CSMD1: variants seen among roughly 807,000 people sequenced by gnomAD.
The protein encoded by CSMD1 is CUB and Sushi multiple domains 1.
Under a neutral mutation model 417.5 loss-of-function variants are expected in CSMD1, and 213 were observed. The ratio of observed to expected loss-of-function variants is 0.51; its 90% confidence interval spans 0.46 to 0.57. The LOEUF is 0.57. CSMD1 is among the 20% of genes least tolerant of loss of function. The pLI is 0.00. For missense variants in CSMD1, 6,923 were observed against 4,529.7 expected, an observed-to-expected ratio of 1.53 and a Z score of -15.17; for synonymous variants, 2,862 against 1,736.8, an observed-to-expected ratio of 1.65 and a Z score of -16.11.
At chr8:3,778,530 G>A (rs888350036) in intron 5 of CSMD1, among the ~76,000 whole-genome samples, 12 of 152,160 alleles carry the variant, frequency 7.9e-5, no homozygotes, top group African/African-American at 1.4e-4. Context: ...AACGCTGCCC[G>A]TGTGCCTGTG....
intron 3 of CSMD1, among the ~76,000 whole-genome samples, chr8:4,334,936 T>C (rs1585254992): frequency 6.6e-6 from 1 of 152,128 alleles, no homozygotes; most frequent in South Asian, 2.1e-4. Flanking sequence ...AGATGCTGTA[T>C]TTTTGCTACA....
chr8:3,546,748 C>T (rs754065386), intron 10 of CSMD1, among the ~76,000 whole-genome samples: 1 of 152,154 alleles, frequency 6.6e-6, no homozygotes, highest in Non-Finnish European at 1.5e-5. Context: ...AGAAATCAGC[C>T]TGCACAGTTG....
At chr8:4,335,955 G>A (rs1021301779) in intron 3 of CSMD1, among the ~76,000 whole-genome samples, 1 of 152,066 alleles carries the variant, frequency 6.6e-6, no homozygotes, top group Non-Finnish European at 1.5e-5. Context: ...GCACAGGGAG[G>A]CTCTCACAGA....
At chr8:4,981,704 GCA>G (rs1810898483) in intron 1 of CSMD1, among the ~76,000 whole-genome samples, 1 of 152,100 alleles carries the variant, frequency 6.6e-6, no homozygotes, top group African/African-American at 2.4e-5. Flanking sequence ...GGGCCATGCG[GCA>G]CCCCCACCTG....
chr8:3,544,044 T>C (rs1585336143), intron 10 of CSMD1, among the ~76,000 whole-genome samples: 1 of 152,196 alleles, frequency 6.6e-6, no homozygotes, highest in East Asian at 1.9e-4. Context: ...ACAGGTGAAG[T>C]GTCCAGTGCT....
chr8:4,444,094 C>A (rs77439086), intron 2 of CSMD1, among the ~76,000 whole-genome samples: 2,549 of 152,078 alleles, frequency 0.017, 63 homozygotes, highest in African/African-American at 0.058. Context: ...GTAACCCCAG[C>A]ACTTTGGGAG....
At chr8:3,345,878 G>T (rs928880985) in intron 22 of CSMD1, among the ~76,000 whole-genome samples, 7 of 152,108 alleles carry the variant, frequency 4.6e-5, no homozygotes, top group African/African-American at 1.7e-4. Context: ...AAAATTAATT[G>T]CGTTTTCCAT....
intron 1 of CSMD1, among the ~76,000 whole-genome samples, chr8:4,856,519 C>G (rs1347503468): frequency 7.2e-6 from 1 of 138,870 alleles, no homozygotes; most frequent in Non-Finnish European, 1.5e-5. Context: ...TTCAGGAAAC[C>G]CATCTCACGT....
At chr8:3,046,775 C>A (rs1811473562) in intron 50 of CSMD1, among the ~76,000 whole-genome samples, 1 of 152,246 alleles carries the variant, frequency 6.6e-6, no homozygotes, top group Admixed American at 6.5e-5. Context: ...CCAGCCACAT[C>A]TGTGTGCTCA....
chr8:3,936,676 C>G (rs529203185), intron 5 of CSMD1, among the ~76,000 whole-genome samples: 19 of 152,268 alleles, frequency 1.2e-4, no homozygotes, highest in African/African-American at 4.6e-4. Context: ...AACAATGTAC[C>G]TGGTCACACA....
At chr8:4,353,363 G>T (rs557674835) in intron 3 of CSMD1, among the ~76,000 whole-genome samples, 4 of 152,080 alleles carry the variant, frequency 2.6e-5, no homozygotes, top group Non-Finnish European at 5.9e-5. Flanking sequence ...CTTCCACCAT[G>T]ATTGTGAGGC....
At chr8:4,321,123 C>A (rs1348687281) in intron 3 of CSMD1, among the ~76,000 whole-genome samples, 1 of 152,116 alleles carries the variant, frequency 6.6e-6, no homozygotes, top group Non-Finnish European at 1.5e-5. Context: ...CTAAATCAAT[C>A]AAAGGCAGGA....
At position 4,465,585 on chromosome 8, in the gene CSMD1, C is replaced by A. The variant is rs145242836; in HGVS notation, c.303-45520G>T. On this transcript the variant is annotated intron_variant, in intron 2 of 69. Transcript: ENST00000635120. ...AAAGCAATGCCTGTTTTTCAGCAGGCCACTTAGAAGTCAGACGTTGAGGAT... is the reference window on the plus strand; with the variant it reads ...AAAGCAATGCCTGTTTTTCAGCAGGACACTTAGAAGTCAGACGTTGAGGAT... 3.8e-3 allele frequency among the ~76,000 whole-genome samples: 573 copies of A among 152,210 alleles called. 1 individual carries two copies. The highest frequency in any genetic ancestry group is 6.1e-3 in the Non-Finnish European group (417 of 68,026).
chr8:4,660,031 G>C lies in CSMD1; in HGVS notation c.86-22473C>G, dbSNP rs182238909. ...CTATAATTATACTTAATAGTGAAAG[G>C]CTCCATGATTTTCTCCTAAGATTGG... On this transcript the variant is annotated intron_variant, in intron 1 of 69. Transcript: ENST00000635120. Among the ~76,000 whole-genome samples, 46 of 149,782 alleles carry C rather than the reference G, an allele frequency of 3.1e-4. 1 individual carries two copies. In the East Asian group the frequency reaches 8.9e-3, roughly 29 times the overall value.
chr8:3,536,984 G>A (rs770044295), intron 10 of CSMD1, among the ~76,000 whole-genome samples: 3 of 152,032 alleles, frequency 2.0e-5, no homozygotes, highest in Non-Finnish European at 4.4e-5. Context: ...GCAACAATAG[G>A]TCAAACTCTT....
At chr8:4,161,129 A>C (rs965442083) in intron 3 of CSMD1, among the ~76,000 whole-genome samples, 11 of 152,182 alleles carry the variant, frequency 7.2e-5, no homozygotes, top group African/African-American at 2.7e-4. Flanking sequence ...TGTAAAAAAA[A>C]AAAAGTCATG....
In CSMD1 at chr8:4,923,213, G is replaced by A. The variant is rs138248073; in HGVS notation, c.85+71119C>T. 1.5e-4 allele frequency among the ~76,000 whole-genome samples: 23 copies of A among 152,176 alleles called. 1 individual carries two copies. The highest frequency in any genetic ancestry group is 5.5e-4 in the African/African-American group (23 of 41,528). On this transcript the variant is annotated intron_variant, in intron 1 of 69. Coordinates refer to ENST00000635120, the MANE Select transcript of CSMD1 (RefSeq NM_033225.6). ...ATTTTCTTTCAATAGTTACATAATA[G>A]TAGACACAAGTGTCCATTCATTAAA...
intron 1 of CSMD1, among the ~76,000 whole-genome samples, chr8:4,724,926 T>A (rs1809325809): frequency 6.6e-6 from 1 of 152,130 alleles, no homozygotes; most frequent in African/African-American, 2.4e-5. Context: ...TTTTTTCTTT[T>A]AAGAAGGTTG....
chr8:4,392,916 C>A (rs564247678), intron 3 of CSMD1, among the ~76,000 whole-genome samples: 4 of 151,864 alleles, frequency 2.6e-5, no homozygotes, highest in Non-Finnish European at 5.9e-5. Flanking sequence ...TTGCAGTGAG[C>A]GGAGATCCTG....
Sources: allele counts gnomAD v4.1 joint callset (sites outside exome capture counted in the v4.1 genomes callset), GRCh38; gene constraint gnomAD v4.1.1; transcripts MANE v1.5; gene names NCBI Gene and HGNC (gene_info 2026-07-23, HGNC 2026-07-21).